The following SLC22A13 variants were observed in gnomAD, a reference collection of about 807,000 sequenced individuals.
SLC22A13 encodes the protein organic anion transporter 10.
Under a neutral mutation model 49.1 loss-of-function variants are expected in SLC22A13, and 42 were observed. The observed-to-expected ratio is 0.85, with a 90% CI of 0.67 to 1.11. The LOEUF is 1.11. Ranked by LOEUF, SLC22A13 falls within the 50% of genes least tolerant of loss-of-function variation. The pLI, the probability that SLC22A13 is intolerant of heterozygous loss-of-function variation, is 0.00. For synonymous variants in SLC22A13, 282 were observed against 293.1 expected (o/e 0.96, Z 0.39); for missense variants, 694 against 712.8 (o/e 0.97, Z 0.30).
At chr3:38,275,321 G>T (rs1404161955) in intron 4 of SLC22A13, 49 bp from the exon 5 acceptor site, 4 of 1,609,946 alleles carry the variant, frequency 2.5e-6, no homozygotes, top group Admixed American at 3.3e-5. Flanking sequence ...AAGCTGGAAA[G>T]CTCCCTAGGA....
intron 1 of SLC22A13, 62 bp downstream of exon 1, chr3:38,266,300 C>T: frequency 6.4e-7 from 1 of 1,562,862 alleles, no homozygotes. Context: ...TTGTGCCTGA[C>T]TCTTCGCCCT....
chr3:38,274,035 G>A (rs1457712651), intron 1 of SLC22A13, among the ~76,000 whole-genome samples: 1 of 152,236 alleles, frequency 6.6e-6, no homozygotes, highest in South Asian at 2.1e-4. Flanking sequence ...CGTTGAAAGC[G>A]TGAACTATCC....
In SLC22A13 at chr3:38,265,821, C is replaced by T. The variant is rs899900323; in HGVS notation, c.-40C>T. 6.2e-7 allele frequency: 1 copy of T among 1,600,978 alleles called. No individual in the cohort carries two copies. On this transcript the variant is annotated 5_prime_UTR_variant, in exon 1 of 10. Transcript: ENST00000311856. ...TTCCCAGAGCCAAGCTACAGAGCTA[C>T]CCTAGTGTCCCCAGGCTGAGGAGGT...
At chr3:38,270,271 G>A (rs532831652) in intron 1 of SLC22A13, 44 of 172,140 alleles carry the variant, frequency 2.6e-4, no homozygotes, top group Non-Finnish European at 1.5e-4. Context: ...TTTCTAGTTC[G>A]GTTAACTGCA....
intron 1 of SLC22A13, among the ~76,000 whole-genome samples, chr3:38,271,885 G>C (rs1329058107): frequency 6.6e-6 from 1 of 152,182 alleles, no homozygotes; most frequent in Non-Finnish European, 1.5e-5. Flanking sequence ...AGGGATCCGG[G>C]ATGGGGTATA....
At chr3:38,269,547 C>T (rs752449293) in intron 1 of SLC22A13, among the ~76,000 whole-genome samples, 2 of 152,032 alleles carry the variant, frequency 1.3e-5, no homozygotes, top group South Asian at 2.1e-4. Flanking sequence ...TGTGAGCCAC[C>T]GCGCCTGGCC....
Position 38,274,887 on chromosome 3 carries a change from C to T in SLC22A13, c.638-102C>T, listed in dbSNP as rs1703560360. 9.0e-6 allele frequency: 14 copies of T among 1,554,838 alleles called. No individual in the cohort carries two copies. In the Admixed American group the frequency reaches 2.4e-4, roughly 27 times the overall value. ...ATCTGAAGTGGTCGCACTGGTGCTTCCTGTGTTGGCACTGAGGCCCAGCCC... is the reference window on the plus strand; with the variant it reads ...ATCTGAAGTGGTCGCACTGGTGCTTTCTGTGTTGGCACTGAGGCCCAGCCC... On this transcript the variant is annotated intron_variant, in intron 3 of 9. Coordinates refer to ENST00000311856, the MANE Select transcript of SLC22A13 (RefSeq NM_004256.4).
At position 38,266,567 on chromosome 3, in the gene SLC22A13, C is replaced by A. The variant is rs556103666; in HGVS notation, c.378+329C>A. ...TCCTATCTTTGTGCCTTTCTCTCTA[C>A]CCAGTGTGCTCATCTGTCTGTCCAG... On this transcript the variant is annotated intron_variant, in intron 1 of 9. Transcript: ENST00000311856. Among the ~76,000 whole-genome samples the A allele has an allele frequency of 2.0e-5, 3 of 152,286 alleles. No homozygotes were observed. The East Asian group carries it at 5.8e-4, about 29-fold the overall frequency.
intron 1 of SLC22A13, among the ~76,000 whole-genome samples, chr3:38,273,456 G>T (rs991621690): frequency 3.9e-5 from 6 of 152,206 alleles, no homozygotes; most frequent in African/African-American, 1.4e-4. Flanking sequence ...CTTCCTCAGG[G>T]CATGTGTGAG....
At chr3:38,273,268 A>G (rs565816972) in intron 1 of SLC22A13, among the ~76,000 whole-genome samples, 55 of 152,222 alleles carry the variant, frequency 3.6e-4, no homozygotes, top group Non-Finnish European at 5.4e-4. Context: ...TATGGACCCA[A>G]ATATCTTCTC....
At chr3:38,269,830 A>T (rs1703500969) in intron 1 of SLC22A13, among the ~76,000 whole-genome samples, 1 of 151,544 alleles carries the variant, frequency 6.6e-6, no homozygotes, top group South Asian at 2.1e-4. Context: ...CTCGTCATTT[A>T]GCATTAGGTA....
rs191430207 is a variant in SLC22A13 at position 38,276,997 on chromosome 3, G to A, written c.1432G>A (p.Ala478Thr). 42 of 1,612,038 alleles carry A rather than the reference G, an allele frequency of 2.6e-5. No homozygotes were observed. Among genetic ancestry groups the A allele is most frequent in the Non-Finnish European group, 3.2e-5 (38 of 1,179,268 alleles). The change falls in exon 9 of 10, where the codon GCT (alanine) becomes ACT (threonine). Residue 478 changes from alanine to threonine, a missense_variant. By Grantham distance (58) the Ala-to-Thr change is moderately conservative. Transcript: ENST00000311856. ...PLVILLGEYHAALPMLIYGSL... is the reference protein window; with the variant it reads ...PLVILLGEYHTALPMLIYGSL... ...TGTGATCCTGCTGGGAGAGTACCAC[G>A]CTGCCCTCCCCATGCTCATCTACGG...
chr3:38,277,474 T>C lies in SLC22A13; in HGVS notation c.*9T>C. 6.2e-7 allele frequency: 1 copy of C among 1,605,636 alleles called. No individual in the cohort carries two copies. The highest frequency in any genetic ancestry group is 1.1e-5 in the South Asian group (1 of 90,788). ...GCAGCACATACTTCTGATTGAGGTC[T>C]CTAAGAGCTGGACCATCAGCAGCAG... is the stretch of plus-strand genomic sequence containing the variant. On this transcript the variant is annotated 3_prime_UTR_variant, in exon 10 of 10. Coordinates refer to ENST00000311856, the MANE Select transcript of SLC22A13 (RefSeq NM_004256.4).
At chr3:38,275,851 G>A in intron 6 of SLC22A13, 31 bp from the exon 7 acceptor site, 1 of 1,593,242 alleles carries the variant, frequency 6.3e-7, no homozygotes, top group Non-Finnish European at 8.6e-7. Flanking sequence ...TCGTCACCCA[G>A]CAGTGACAGG....
chr3:38,272,032 T>A (rs1333261547), intron 1 of SLC22A13, among the ~76,000 whole-genome samples: 1 of 152,178 alleles, frequency 6.6e-6, no homozygotes, highest in African/African-American at 2.4e-5. Flanking sequence ...ACCTGCAACA[T>A]GACAACACCA....
chr3:38,271,000 C>T (rs761045965), intron 1 of SLC22A13, among the ~76,000 whole-genome samples: 5 of 152,282 alleles, frequency 3.3e-5, no homozygotes, highest in Non-Finnish European at 5.9e-5. Flanking sequence ...TAATCCCAAG[C>T]TCAGTTCCAG....
intron 1 of SLC22A13, among the ~76,000 whole-genome samples, chr3:38,266,563 T>C (rs991539726): frequency 1.3e-5 from 2 of 152,186 alleles, no homozygotes; most frequent in Non-Finnish European, 2.9e-5. Flanking sequence ...TGCCTTTCTC[T>C]CTACCCAGTG....
At position 38,275,598 on chromosome 3, in the gene SLC22A13, C is replaced by T. The variant is rs1418205369; in HGVS notation, c.948C>T (p.Gly316=). ...LMNQLVPEKT[G]PSGNALDLFR... ...CCCAGCTGGTCCCAGAGAAGACAGG[C>T]CCCTCAGGGAATGCCCTGGATCTGT... Residue 316 remains glycine, a synonymous_variant, in exon 6 of 10, where the codon GGC becomes GGT. Coordinates refer to ENST00000311856, the MANE Select transcript of SLC22A13 (RefSeq NM_004256.4). 6.2e-7 allele frequency: 1 copy of T among 1,614,150 alleles called. No individual in the cohort carries two copies. Among genetic ancestry groups the T allele is most frequent in the Non-Finnish European group, 8.5e-7 (1 of 1,179,992 alleles).
At chr3:38,271,542 CAAAAAAAA>C (rs397837435) in intron 1 of SLC22A13, among the ~76,000 whole-genome samples, 1 of 48,408 alleles carries the variant, frequency 2.1e-5, no homozygotes, top group South Asian at 1.0e-3. Flanking sequence ...GACGCTTTCT[CAAAAAAAA>C]AAAAAAAAAA....
Sources: gnomAD v4.1 joint callset for allele counts (sites outside exome capture counted in the v4.1 genomes callset) on GRCh38, gnomAD v4.1.1 for gene constraint, MANE v1.5 for transcripts, NCBI Gene and HGNC (gene_info 2026-07-23, HGNC 2026-07-21) for gene names.